ROBO1: variants seen among roughly 807,000 people sequenced by gnomAD.
The protein encoded by ROBO1 is roundabout homolog 1.
A neutral mutation model predicts 195.9 loss-of-function variants in ROBO1; 149 were observed. The ratio of observed to expected loss-of-function variants is 0.76; its 90% CI spans 0.67 to 0.87. The LOEUF is 0.87. Among genes scored for constraint, ROBO1 ranks in the 40% least tolerant of loss-of-function variants. The pLI is 0.00. For synonymous variants in ROBO1, 816 were observed against 733.2 expected (o/e 1.11, Z -1.82); for missense variants, 1,933 against 2,068.3 (o/e 0.93, Z 1.27).
intron 1 of ROBO1, among the ~76,000 whole-genome samples, chr3:79,597,213 C>T (rs996440529): frequency 1.3e-5 from 2 of 151,678 alleles, no homozygotes; most frequent in African/African-American, 2.4e-5. Flanking sequence ...TGTATAAGTC[C>T]GCAGTTAACT....
At chr3:78,876,998 C>T (rs182210135) in intron 4 of ROBO1, among the ~76,000 whole-genome samples, 19 of 151,982 alleles carry the variant, frequency 1.3e-4, no homozygotes, top group African/African-American at 3.4e-4. Context: ...TTGGTGTCTA[C>T]GACAATCTCT....
chr3:79,745,026 A>C (rs1703813895), intron 1 of ROBO1, among the ~76,000 whole-genome samples: 1 of 152,124 alleles, frequency 6.6e-6, no homozygotes. Flanking sequence ...CAAACCTTCT[A>C]TTTCAGCCAG....
intron 3 of ROBO1, among the ~76,000 whole-genome samples, chr3:79,006,761 A>T (rs1420623629): frequency 2.0e-5 from 3 of 150,860 alleles, no homozygotes; most frequent in Non-Finnish European, 4.4e-5. Context: ...ATATCGGAAA[A>T]AAAAAAAAAA....
At chr3:79,412,915 A>G (rs2037840227) in intron 2 of ROBO1, among the ~76,000 whole-genome samples, 1 of 92,994 alleles carries the variant, frequency 1.1e-5, no homozygotes, top group South Asian at 3.3e-4. Context: ...TTTTTAGTAA[A>G]TAAGAATTAT....
rs535635200 is a variant in ROBO1 at position 79,297,431 on chromosome 3, T to C, written c.89-171892A>G. 7.4e-4 allele frequency among the ~76,000 whole-genome samples: 112 copies of C among 152,250 alleles called. 2 individuals are homozygous for C. The South Asian group carries it at 9.1e-3, about 12-fold the overall frequency. ...AAACTGTGAGTTTAAGTAAACACAA[T>C]TCTTTGTTATTATGATCTCTAGTGG... On this transcript the variant is annotated intron_variant, in intron 2 of 30. Transcript: ENST00000464233.
chr3:78,754,744 T>C (rs2108326476), intron 4 of ROBO1, among the ~76,000 whole-genome samples: 1 of 152,272 alleles, frequency 6.6e-6, no homozygotes, highest in Non-Finnish European at 1.5e-5. Context: ...TATACAACTA[T>C]AATTGTGATA....
intron 2 of ROBO1, among the ~76,000 whole-genome samples, chr3:79,583,907 T>A (rs925038300): frequency 6.6e-6 from 1 of 151,984 alleles, no homozygotes; most frequent in African/African-American, 2.4e-5. Context: ...TGAAGAACAT[T>A]TCTATTGACT....
chr3:79,731,817 C>G (rs532160707), intron 1 of ROBO1, among the ~76,000 whole-genome samples: 4 of 152,084 alleles, frequency 2.6e-5, no homozygotes, highest in Non-Finnish European at 5.9e-5. Context: ...TGAGAATATA[C>G]AAATCATACC....
intron 1 of ROBO1, among the ~76,000 whole-genome samples, chr3:79,654,706 C>G (rs1946109142): frequency 7.2e-6 from 1 of 138,022 alleles, no homozygotes; most frequent in South Asian, 2.6e-4. Context: ...GAATTGCACT[C>G]TGTTTAGCTC....
intron 2 of ROBO1, among the ~76,000 whole-genome samples, chr3:79,395,340 A>AAAG (rs1553733529): frequency 8.9e-4 from 106 of 119,044 alleles, no homozygotes; most frequent in East Asian, 1.8e-3. Flanking sequence ...AAAAAAAAAA[A>AAAG]AAAGAAAGAA....
chr3:78,818,828 G>A lies in ROBO1; in HGVS notation c.500-71928C>T, dbSNP rs143830470. Among the ~76,000 whole-genome samples the A allele has an allele frequency of 8.3e-3, 1,271 of 152,272 alleles. 12 individuals are homozygous for A. Among genetic ancestry groups the A allele is most frequent in the African/African-American group, 0.029 (1,209 of 41,548 alleles). ...CCCCTCTATCACAGTTTCGCTTTCGGAGGTTTCAGTTACTTGCAGTCAACC... is the reference window on the plus strand; with the variant it reads ...CCCCTCTATCACAGTTTCGCTTTCGAAGGTTTCAGTTACTTGCAGTCAACC... On this transcript the variant is annotated intron_variant, in intron 4 of 30. Coordinates refer to ENST00000464233, the MANE Select transcript of ROBO1 (RefSeq NM_002941.4).
At chr3:79,569,606 T>C (rs1365581538) in intron 2 of ROBO1, among the ~76,000 whole-genome samples, 1 of 151,726 alleles carries the variant, frequency 6.6e-6, no homozygotes, top group East Asian at 1.9e-4. Flanking sequence ...TGGTAAGTAT[T>C]AATAAGACCA....
chr3:78,871,556 T>G (rs974741431), intron 4 of ROBO1, among the ~76,000 whole-genome samples: 3 of 152,102 alleles, frequency 2.0e-5, no homozygotes, highest in African/African-American at 7.2e-5. Flanking sequence ...GACATACATT[T>G]TACTATGGAT....
At chr3:79,586,720 A>G (rs1943841300) in intron 2 of ROBO1, among the ~76,000 whole-genome samples, 2 of 151,788 alleles carry the variant, frequency 1.3e-5, no homozygotes, top group Admixed American at 6.6e-5. Context: ...ATGCTTTAAT[A>G]ACAGATCATT....
chr3:79,535,657 C>A (rs931903204), intron 2 of ROBO1, among the ~76,000 whole-genome samples: 1 of 152,072 alleles, frequency 6.6e-6, no homozygotes, highest in African/African-American at 2.4e-5. Flanking sequence ...GTGTTGGACA[C>A]TTCTCAGAAA....
At chr3:78,957,507 C>A (rs1469766339) in intron 3 of ROBO1, among the ~76,000 whole-genome samples, 1 of 152,096 alleles carries the variant, frequency 6.6e-6, no homozygotes, top group Non-Finnish European at 1.5e-5. Flanking sequence ...AGCAAATCTG[C>A]AAGTTGTGTA....
At chr3:78,658,577 C>A (rs2107653944) in intron 17 of ROBO1, among the ~76,000 whole-genome samples, 1 of 152,300 alleles carries the variant, frequency 6.6e-6, no homozygotes, top group South Asian at 2.1e-4. Context: ...CCACAGCGCC[C>A]AACTGACATA....
At chr3:79,391,028 C>T (rs2036929601) in intron 2 of ROBO1, among the ~76,000 whole-genome samples, 1 of 151,532 alleles carries the variant, frequency 6.6e-6, no homozygotes, top group Admixed American at 6.6e-5. Context: ...AGGATGGTGG[C>T]TCATGCCTGT....
chr3:78,743,459 T>C (rs1040126380), intron 5 of ROBO1, among the ~76,000 whole-genome samples: 2 of 152,160 alleles, frequency 1.3e-5, no homozygotes, highest in African/African-American at 2.4e-5. Context: ...CCACTGCCCT[T>C]TCTGCCTCTT....
Sources: gnomAD v4.1 joint callset for allele counts (sites outside exome capture counted in the v4.1 genomes callset) on GRCh38, gnomAD v4.1.1 for gene constraint, MANE v1.5 for transcripts, NCBI Gene and HGNC (gene_info 2026-07-23, HGNC 2026-07-21) for gene names.